The following ARL6IP4 variants were observed in gnomAD, a reference collection of about 807,000 sequenced individuals.
ARL6IP4 encodes the protein ADP-ribosylation factor-like protein 6-interacting protein 4.
Under a neutral mutation model 28.1 loss-of-function variants are expected in ARL6IP4, and 24 were observed. The observed-to-expected ratio is 0.86, with a 90% confidence interval of 0.62 to 1.20. ARL6IP4 has a LOEUF of 1.20. Among genes scored for constraint, ARL6IP4 ranks in the 50% most tolerant of loss-of-function variants. The pLI, the probability that ARL6IP4 is intolerant of heterozygous loss-of-function variation, is 0.00. For synonymous variants in ARL6IP4, 162 were observed against 122.3 expected (o/e 1.32, Z -2.14); for missense variants, 343 against 302.4 (o/e 1.13, Z -1.00).
intron 2 of ARL6IP4, 73 bp from the exon 3 acceptor site, chr12:122,981,498 T>C: frequency 1.4e-6 from 2 of 1,437,092 alleles, no homozygotes; most frequent in Non-Finnish European, 9.2e-7. Context: ...GCGCTCACCC[T>C]GTAGCCGGTC....
chr12:122,982,279 C>A, intron 4 of ARL6IP4, 190 bp from the exon 5 acceptor site: 1 of 804,480 alleles, frequency 1.2e-6, no homozygotes. Context: ...GTTGGCCGGG[C>A]TGAGGCTGGC....
intron 2 of ARL6IP4, 95 bp downstream of exon 2, chr12:122,981,394 A>G (rs1458728535): frequency 2.1e-6 from 3 of 1,453,166 alleles, no homozygotes; most frequent in Non-Finnish European, 2.7e-6. Context: ...GCCTCTGTGC[A>G]GCCGGGCCTG....
At chr12:122,982,141 G>C (rs537115745) in intron 4 of ARL6IP4, 67 bp downstream of exon 4, 18 of 1,550,802 alleles carry the variant, frequency 1.2e-5, no homozygotes, top group Non-Finnish European at 1.6e-5. Context: ...GTGTGCTCTC[G>C]GGAGGAGTGG....
chr12:122,982,459 C>T lies in ARL6IP4; in HGVS notation c.588-10C>T. 1 of 1,610,444 alleles carries T rather than the reference C, an allele frequency of 6.2e-7. No homozygotes were observed. Among genetic ancestry groups the T allele is most frequent in the South Asian group, 1.1e-5 (1 of 90,490 alleles). On this transcript the variant is annotated splice_polypyrimidine_tract_variant and intron_variant, in intron 4 of 5. Coordinates refer to ENST00000315580, the MANE Select transcript of ARL6IP4 (RefSeq NM_018694.4). ...TATTCCTTGCTGAACGGAGACCCTC[C>T]CACCCCCAGGCTTATTAAGGGAGAT...
chr12:122,982,758 G>T lies in ARL6IP4; in HGVS notation c.*82G>T. The stretch of plus-strand genomic sequence containing the variant: ...TCAGGGTGCCAGTGGGAAGCCTGAT[G>T]GGTGCTGGTGGCCTTTCCCCCGTGG... On this transcript the variant is annotated 3_prime_UTR_variant, in exon 6 of 6. Transcript: ENST00000315580. 1 of 1,397,184 alleles carries T rather than the reference G, an allele frequency of 7.2e-7. No homozygotes were observed. The highest frequency in any genetic ancestry group is 1.2e-5 in the South Asian group (1 of 85,634). The allele number at this position is 1,397,184 out of a possible 1,614,324, so 86.5% of individuals were successfully genotyped here.
Position 122,982,763 on chromosome 12 carries a change from C to G in ARL6IP4, c.*87C>G. The G allele has an allele frequency of 7.2e-7, 1 of 1,384,860 alleles. No individual in the cohort carries two copies. Among genetic ancestry groups the G allele is most frequent in the Non-Finnish European group, 1.0e-6 (1 of 988,882 alleles). The allele number at this position is 1,384,860 out of a possible 1,614,324, so 85.8% of individuals were successfully genotyped here. On this transcript the variant is annotated 3_prime_UTR_variant, in exon 6 of 6. Transcript: ENST00000315580. Reference sequence around the variant, plus strand: ...GTGCCAGTGGGAAGCCTGATGGGTGCTGGTGGCCTTTCCCCCGTGGATTGG... The same window carrying G: ...GTGCCAGTGGGAAGCCTGATGGGTGGTGGTGGCCTTTCCCCCGTGGATTGG...
In ARL6IP4 at chr12:122,982,525, G is replaced by C; in HGVS notation, c.644G>C (p.Arg215Thr). Reference sequence around the variant, plus strand: ...GAAATCGTAACCAAAGAACGACACAGAGAGATCAACAAGGTGGGTGTGGCC... The same window carrying C: ...GAAATCGTAACCAAAGAACGACACACAGAGATCAACAAGGTGGGTGTGGCC... ...LEEIVTKERH[R>T]EINKQATRGD... The change falls in exon 5 of 6, where the codon AGA becomes ACA. Residue 215 changes from arginine (R) to threonine (T), a missense_variant. Physicochemically the swap from Arg to Thr is moderately conservative, Grantham distance 71. Coordinates refer to ENST00000315580, the MANE Select transcript of ARL6IP4 (RefSeq NM_018694.4). 1 of 1,614,140 alleles carries C rather than the reference G, an allele frequency of 6.2e-7. No individual in the cohort carries two copies. Among genetic ancestry groups the C allele is most frequent in the East Asian group, 2.2e-5 (1 of 44,894 alleles).
upstream of ARL6IP4, chr12:122,980,633 C>T: frequency 1.4e-6 from 2 of 1,404,888 alleles, no homozygotes; most frequent in Non-Finnish European, 1.9e-6. Flanking sequence ...GCAGCGGCGC[C>T]GCGCTTCCCA....
rs767856159 is a variant in ARL6IP4, at chr12:122,982,602, G to A, written c.658-18G>A. On this transcript the variant is annotated intron_variant, in intron 5 of 5. Transcript: ENST00000315580. ...CTGTTTGTGATGTACCCCTCCTCCTGTGTGCTTTCTTCCCCAGCAAGCCAC... is the reference window on the plus strand; with the variant it reads ...CTGTTTGTGATGTACCCCTCCTCCTATGTGCTTTCTTCCCCAGCAAGCCAC... 1.2e-6 allele frequency: 2 copies of A among 1,614,018 alleles called. No homozygotes were observed. Among genetic ancestry groups the A allele is most frequent in the East Asian group, 2.2e-5 (1 of 44,892 alleles).
At chr12:122,982,587 T>G in intron 5 of ARL6IP4, 33 bp from the exon 6 acceptor site, 1 of 1,614,168 alleles carries the variant, frequency 6.2e-7, no homozygotes, top group Admixed American at 1.7e-5. Context: ...CTGTTTGTGA[T>G]GTACCCCTCC....
upstream of ARL6IP4, chr12:122,980,667 C>T: frequency 1.5e-6 from 2 of 1,364,334 alleles, no homozygotes; most frequent in Non-Finnish European, 9.4e-7. Context: ...CCGCGCAGCG[C>T]CCCGGCCGGA....
chr12:122,981,315 A>T lies in ARL6IP4; in HGVS notation c.160+16A>T, dbSNP rs2037639863. On this transcript the variant is annotated intron_variant, in intron 2 of 5. Coordinates refer to ENST00000315580, the MANE Select transcript of ARL6IP4 (RefSeq NM_018694.4). The stretch of plus-strand genomic sequence containing the variant: ...GGGGCGGAGGGTGAGGACCACAGGC[A>T]TCGGGGAGAGGAGGCGCAGTTACTA... The T allele has an allele frequency of 2.6e-6, 4 of 1,536,882 alleles. No individual in the cohort carries two copies. Among genetic ancestry groups the T allele is most frequent in the Non-Finnish European group, 3.5e-6 (4 of 1,139,320 alleles).
At chr12:122,981,539 A>C (rs745795300) in intron 2 of ARL6IP4, 32 bp from the exon 3 acceptor site, 22 of 1,509,350 alleles carry the variant, frequency 1.5e-5, no homozygotes, top group Non-Finnish European at 1.9e-5. Flanking sequence ...GCAGGGGACG[A>C]AGGTTTACCT....
chr12:122,981,446 C>G, intron 2 of ARL6IP4, 125 bp from the exon 3 acceptor site: 2 of 1,387,608 alleles, frequency 1.4e-6, no homozygotes, highest in South Asian at 3.0e-5. Context: ...GAAGGGGCTC[C>G]TCTGGGAAGC....
chr12:122,980,641 C>G, upstream of ARL6IP4: 1 of 1,396,584 alleles, frequency 7.2e-7, no homozygotes, highest in Non-Finnish European at 9.3e-7. Flanking sequence ...GCCGCGCTTC[C>G]CAGCCGGCCA....
At chr12:122,981,541 G>T in intron 2 of ARL6IP4, 30 bp from the exon 3 acceptor site, 1 of 1,516,258 alleles carries the variant, frequency 6.6e-7, no homozygotes, top group South Asian at 1.3e-5. Context: ...AGGGGACGAA[G>T]GTTTACCTCT....
At position 122,981,554 on chromosome 12, in the gene ARL6IP4, C is replaced by T. The variant is rs140000146; in HGVS notation, c.161-17C>T. On this transcript the variant is annotated splice_polypyrimidine_tract_variant and intron_variant, in intron 2 of 5. Coordinates refer to ENST00000315580, the MANE Select transcript of ARL6IP4 (RefSeq NM_018694.4). ...GCAGGGGACGAAGGTTTACCTCTTC[C>T]CCTCCTGGCCTTCCAGCCTCACCTT... 27 of 1,527,614 alleles carry T rather than the reference C, an allele frequency of 1.8e-5. No individual in the cohort carries two copies. In the Admixed American group the frequency reaches 2.3e-4, roughly 13 times the overall value. 94.6% of individuals were successfully genotyped at this position (1,527,614 alleles called of 1,614,324 possible).
At chr12:122,982,356 A>G (rs2037720192) in intron 4 of ARL6IP4, 113 bp from the exon 5 acceptor site, 3 of 1,095,320 alleles carry the variant, frequency 2.7e-6, no homozygotes, top group African/African-American at 3.1e-5. Flanking sequence ...CTGTCCACTC[A>G]AGGCTGCGGG....
upstream of ARL6IP4, chr12:122,980,565 C>A (rs2037596904): frequency 5.1e-6 from 7 of 1,363,856 alleles, no homozygotes; most frequent in Non-Finnish European, 4.7e-6. Context: ...GGCGCCCCTG[C>A]TTGCCTCTGC....
Sources: gnomAD v4.1 joint callset for allele counts on GRCh38, gnomAD v4.1.1 for gene constraint, MANE v1.5 for transcripts, NCBI Gene and HGNC (gene_info 2026-07-23, HGNC 2026-07-21) for gene names.